Variants in STMN1 observed in about 807,000 individuals in gnomAD.
STMN1 encodes the protein stathmin.
Under a neutral mutation model 19.7 loss-of-function variants are expected in STMN1, and 3 were observed. The ratio of observed to expected loss-of-function variants is 0.15; its 90% confidence interval spans 0.07 to 0.39. STMN1 has a LOEUF of 0.39. Ranked by LOEUF, STMN1 falls within the 10% of genes least tolerant of loss-of-function variation. STMN1 has a pLI of 1.00. For missense variants in STMN1, 99 were observed against 176.0 expected, an observed-to-expected ratio of 0.56 and a Z score of 2.48; for synonymous variants, 59 against 58.9, an observed-to-expected ratio of 1.00 and a Z score of -0.01.
chr1:25,892,156 G>T (rs558610996), intron 4 of STMN1, among the ~76,000 whole-genome samples: 4 of 152,232 alleles, frequency 2.6e-5, no homozygotes, highest in Non-Finnish European at 5.9e-5. Flanking sequence ...TCGGGAGGCC[G>T]AGGTGGGCGA....
intron 4 of STMN1, 166 bp downstream of exon 4, chr1:25,901,324 GA>G (rs2048871520): frequency 8.9e-7 from 1 of 1,121,984 alleles, no homozygotes; most frequent in Admixed American, 2.9e-5. Context: ...ATTATGCTGG[GA>G]ATTACTGAAT....
At chr1:25,901,841 C>T in intron 3 of STMN1, 159 bp from the exon 4 acceptor site, 1 of 564,552 alleles carries the variant, frequency 1.8e-6, no homozygotes, top group Admixed American at 3.9e-5. Flanking sequence ...GAAATCCTAC[C>T]TATACTAAAA....
At chr1:25,894,346 G>A (rs1283570115) in intron 4 of STMN1, among the ~76,000 whole-genome samples, 1 of 152,024 alleles carries the variant, frequency 6.6e-6, no homozygotes, top group African/African-American at 2.4e-5. Flanking sequence ...GCATCCTGAG[G>A]GGTCTCTGCC....
chr1:25,900,994 G>T lies in STMN1; in HGVS notation c.*22C>A, dbSNP rs2048865401. On this transcript the variant is annotated 3_prime_UTR_variant, in exon 5 of 5. Transcript: ENST00000455785. The stretch of plus-strand genomic sequence containing the variant: ...TGGATATTTAGGAAGGGGATGGGGA[G>T]AAAGTCAGTTCTCAGAACAAATTAG... 1 of 1,612,362 alleles carries T rather than the reference G, an allele frequency of 6.2e-7. No individual in the cohort carries two copies. Among genetic ancestry groups the T allele is most frequent in the South Asian group, 1.1e-5 (1 of 90,904 alleles).
chr1:25,887,985 CTTG>C (rs909993209), intron 4 of STMN1, among the ~76,000 whole-genome samples: 27 of 151,942 alleles, frequency 1.8e-4, no homozygotes, highest in African/African-American at 3.4e-4. Flanking sequence ...GTGCCCGGCC[CTTG>C]TTGTTGTTGT....
At chr1:25,890,395 G>T (rs1467644547) in intron 4 of STMN1, among the ~76,000 whole-genome samples, 1 of 152,218 alleles carries the variant, frequency 6.6e-6, no homozygotes, top group African/African-American at 2.4e-5. Context: ...GGAGAGAACA[G>T]CTGAAGGCAG....
At chr1:25,889,922 T>C (rs1242857387) in intron 4 of STMN1, among the ~76,000 whole-genome samples, 2 of 152,212 alleles carry the variant, frequency 1.3e-5, no homozygotes, top group African/African-American at 4.8e-5. Context: ...AGCAGTTCCC[T>C]TTGCCAGGAA....
At chr1:25,892,663 T>A (rs2048786677) in intron 4 of STMN1, 1 of 953,728 alleles carries the variant, frequency 1.0e-6, no homozygotes, top group Non-Finnish European at 1.2e-6. Context: ...CTGCTGGGCC[T>A]CTAAACCAAA....
intron 4 of STMN1, among the ~76,000 whole-genome samples, chr1:25,886,273 G>A (rs964188873): frequency 1.3e-5 from 2 of 152,006 alleles, no homozygotes; most frequent in African/African-American, 4.8e-5. Context: ...GGGAAGGAAT[G>A]GAAGGAAAAA....
intron 1 of STMN1, 75 bp from the exon 2 acceptor site, chr1:25,904,813 A>G (rs765621051): frequency 8.9e-6 from 10 of 1,122,276 alleles, no homozygotes; most frequent in Non-Finnish European, 1.3e-5. Flanking sequence ...AAAATCTCAC[A>G]TCACATCTAC....
At chr1:25,887,527 A>G in intron 4 of STMN1, 1 of 301,008 alleles carries the variant, frequency 3.3e-6, no homozygotes, top group Admixed American at 3.8e-5. Context: ...AGCTGTCTGG[A>G]CATCTGGGTG....
chr1:25,888,337 G>T (rs2048742542), intron 4 of STMN1, among the ~76,000 whole-genome samples: 1 of 152,194 alleles, frequency 6.6e-6, no homozygotes, highest in South Asian at 2.1e-4. Flanking sequence ...GGGATTAAAT[G>T]AAATGCAATT....
At chr1:25,902,414 G>A (rs967099012) in intron 3 of STMN1, 1 of 152,220 alleles carries the variant, frequency 6.6e-6, no homozygotes, top group African/African-American at 2.4e-5. Context: ...TCAAGACTAA[G>A]TCTGTAGATT....
intron 4 of STMN1, among the ~76,000 whole-genome samples, chr1:25,892,247 G>C (rs956614132): frequency 1.3e-5 from 2 of 152,174 alleles, no homozygotes; most frequent in African/African-American, 4.8e-5. Context: ...AATTAGCTGG[G>C]CATGGTGGTG....
chr1:25,896,762 C>T (rs1440325716), downstream of STMN1, among the ~76,000 whole-genome samples: 1 of 152,246 alleles, frequency 6.6e-6, no homozygotes, highest in Non-Finnish European at 1.5e-5. Flanking sequence ...ATACCAGCTT[C>T]TGCTGGCAGA....
Position 25,900,514 on chromosome 1 carries a change from G to GA in STMN1, c.*501dup. 1 of 985,942 alleles carries GA rather than the reference G, an allele frequency of 1.0e-6. No individual in the cohort carries two copies. Among genetic ancestry groups the GA allele is most frequent in the South Asian group, 4.7e-5 (1 of 21,274 alleles). 61.1% of individuals were successfully genotyped at this position (985,942 alleles called of 1,614,324 possible). A position where few individuals can be genotyped will look rare whatever the true frequency, so the allele number is the denominator to read the frequency against. On this transcript the variant is annotated 3_prime_UTR_variant, in exon 5 of 5. Transcript: ENST00000455785. ...CCCATCTGGAACAAGTATCAACCAG[G>GA]AGGGGCTCTATGGCTTGATTTATTA...
At chr1:25,885,973 T>C in intron 4 of STMN1, 4 of 1,372,522 alleles carry the variant, frequency 2.9e-6, no homozygotes, top group Non-Finnish European at 2.9e-6. Context: ...TCTCAAACTT[T>C]GCTACAAATG....
downstream of STMN1, among the ~76,000 whole-genome samples, chr1:25,899,056 C>T (rs2048846205): frequency 6.6e-6 from 1 of 152,108 alleles, no homozygotes; most frequent in African/African-American, 2.4e-5. Flanking sequence ...AAGATGCATC[C>T]CCTTCAGTTT....
intron 4 of STMN1, chr1:25,892,488 G>T (rs1039981328): frequency 1.5e-5 from 15 of 980,008 alleles, no homozygotes; most frequent in Non-Finnish European, 6.1e-6. Flanking sequence ...CTGGTTGCAA[G>T]CTTGAACCAG....
Sources: gnomAD v4.1 joint callset for allele counts (sites outside exome capture counted in the v4.1 genomes callset) on GRCh38, gnomAD v4.1.1 for gene constraint, MANE v1.5 for transcripts, NCBI Gene and HGNC (gene_info 2026-07-23, HGNC 2026-07-21) for gene names.